Variants in ABHD12B observed in about 807,000 individuals in gnomAD.
The protein encoded by ABHD12B is abhydrolase domain containing 12B, also known as protein ABHD12B.
ABHD12B carries 42 observed loss-of-function variants against 50.4 expected under a neutral mutation model. That is an observed-to-expected ratio of 0.83 (90% confidence interval 0.65 to 1.08). The LOEUF is 1.08. Ranked by LOEUF, ABHD12B falls within the 50% of genes least tolerant of loss-of-function variation. The pLI, the probability that ABHD12B is intolerant of heterozygous loss-of-function variation, is 0.00. For missense variants in ABHD12B, 479 were observed against 447.7 expected, an observed-to-expected ratio of 1.07 and a Z score of -0.63; for synonymous variants, 167 against 160.3, an observed-to-expected ratio of 1.04 and a Z score of -0.32.
chr14:50,903,001 T>C (rs2050280562), intron 10 of ABHD12B, among the ~76,000 whole-genome samples: 3 of 152,220 alleles, frequency 2.0e-5, no homozygotes, highest in Non-Finnish European at 2.9e-5. Context: ...AGTTTTGTTT[T>C]CTTTTTTAGT....
intron 9 of ABHD12B, among the ~76,000 whole-genome samples, chr14:50,889,736 G>A (rs1015173674): frequency 2.0e-5 from 3 of 152,232 alleles, no homozygotes; most frequent in African/African-American, 4.8e-5. Flanking sequence ...ACGTGTAAAC[G>A]TTAGCAAATG....
rs140540525 is a variant in ABHD12B at position 50,881,027 on chromosome 14, C to A, written c.455+456C>A. Among the ~76,000 whole-genome samples, 216 of 152,264 alleles carry A rather than the reference C, an allele frequency of 1.4e-3. 1 individual carries two copies. Among genetic ancestry groups the A allele is most frequent in the Non-Finnish European group, 3.2e-4 (22 of 68,022 alleles). ...ATATGACTCCTTAAGAGAGGTCACACGGAATTCTGACCACAGGTACTGGGG... is the reference window on the plus strand; with the variant it reads ...ATATGACTCCTTAAGAGAGGTCACAAGGAATTCTGACCACAGGTACTGGGG... On this transcript the variant is annotated intron_variant, in intron 4 of 12. Transcript: ENST00000337334.
chr14:50,886,705 G>T lies in ABHD12B; in HGVS notation c.700+21G>T, dbSNP rs376790794. ...AAAAGGTAATATAAAATGCTTAAGT[G>T]GTATAATTTCCCATCTTCAGATGGG... is the stretch of plus-strand genomic sequence containing the variant. On this transcript the variant is annotated intron_variant, in intron 8 of 12. Transcript: ENST00000337334. The T allele has an allele frequency of 2.1e-5, 34 of 1,599,080 alleles. 1 individual carries two copies. The Middle Eastern group carries it at 5.5e-4, about 26-fold the overall frequency.
intron 8 of ABHD12B, among the ~76,000 whole-genome samples, chr14:50,886,947 G>C (rs969234532): frequency 6.6e-6 from 1 of 152,004 alleles, no homozygotes; most frequent in South Asian, 2.1e-4. Context: ...CCGATGTGGT[G>C]GCTCACGCCT....
chr14:50,880,421 T>A, intron 3 of ABHD12B, 31 bp from the exon 4 acceptor site: 1 of 1,563,010 alleles, frequency 6.4e-7, no homozygotes, highest in Non-Finnish European at 8.6e-7. Flanking sequence ...TTCCTCTTTC[T>A]ACATTTGTTT....
At chr14:50,888,702 C>G (rs1374766138) in intron 8 of ABHD12B, 122 bp from the exon 9 acceptor site, 5 of 774,674 alleles carry the variant, frequency 6.5e-6, no homozygotes, top group Admixed American at 2.5e-5. Context: ...TTATTAATAA[C>G]CTTCACAAAT....
intron 1 of ABHD12B, among the ~76,000 whole-genome samples, chr14:50,873,020 G>A (rs1370986941): frequency 6.6e-6 from 1 of 152,204 alleles, no homozygotes; most frequent in African/African-American, 2.4e-5. Context: ...GTTGGAGATC[G>A]TGGACCCAGG....
Position 50,903,474 on chromosome 14 carries a change from T to A in ABHD12B, c.942+7T>A, listed in dbSNP as rs768018044. The stretch of plus-strand genomic sequence containing the variant: ...TTTGGAGTATGGGAAAAAGGTAAAC[T>A]AAGGGCTCAATGCTGACTGAAATAT... On this transcript the variant is annotated splice_region_variant and intron_variant, in intron 11 of 12. Transcript: ENST00000337334. 2 of 1,608,778 alleles carry A rather than the reference T, an allele frequency of 1.2e-6. No homozygotes were observed. Among genetic ancestry groups the A allele is most frequent in the Admixed American group, 3.4e-5 (2 of 59,354 alleles).
chr14:50,883,939 A>T (rs1867964720), intron 5 of ABHD12B, among the ~76,000 whole-genome samples: 1 of 102,204 alleles, frequency 9.8e-6, no homozygotes, highest in South Asian at 4.3e-4. Context: ...TCCTTATAAA[A>T]GGCTTTTGTT....
At position 50,877,967 on chromosome 14, in the gene ABHD12B, C is replaced by T. The variant is rs968888839; in HGVS notation, c.120C>T (p.Ser40=). 2.8e-5 allele frequency: 43 copies of T among 1,533,010 alleles called. No individual in the cohort carries two copies. The highest frequency in any genetic ancestry group is 4.0e-5 in the Admixed American group (2 of 50,478). The allele number at this position is 1,533,010 out of a possible 1,614,324, so 95.0% of individuals were successfully genotyped here. A position where few individuals can be genotyped will look rare whatever the true frequency, so the allele number is the denominator to read the frequency against. The stretch of plus-strand genomic sequence containing the variant: ...TACCTTGCAGATATTTTCCACACTC[C>T]TGTTCAATGCTCGGAAGAAAAATTG... ...VDRNLRYFPH[S]CSMLGRKIAA... The change falls in exon 2 of 13, where the codon TCC becomes TCT. Residue 40 remains serine, a synonymous_variant. Transcript: ENST00000337334.
At chr14:50,893,928 C>T (rs866975630) in intron 9 of ABHD12B, among the ~76,000 whole-genome samples, 6 of 152,244 alleles carry the variant, frequency 3.9e-5, no homozygotes, top group African/African-American at 1.2e-4. Flanking sequence ...CCCAAAACTC[C>T]GGCGCTGGCC....
intron 8 of ABHD12B, among the ~76,000 whole-genome samples, chr14:50,888,004 T>C (rs1306201526): frequency 6.6e-6 from 1 of 152,178 alleles, no homozygotes; most frequent in East Asian, 1.9e-4. Flanking sequence ...TCTCTTTTGG[T>C]ATTGGTTCTG....
chr14:50,877,204 A>G (rs1335892547), intron 1 of ABHD12B, among the ~76,000 whole-genome samples: 3 of 152,196 alleles, frequency 2.0e-5, no homozygotes, highest in Non-Finnish European at 4.4e-5. Context: ...GTCTCCTAAC[A>G]CTGGCTCATT....
chr14:50,904,449 T>G lies in ABHD12B; in HGVS notation c.*83T>G, dbSNP rs757620612. On this transcript the variant is annotated 3_prime_UTR_variant, in exon 13 of 13. Transcript: ENST00000337334. The stretch of plus-strand genomic sequence containing the variant: ...ATATTGTTCTAATGTAAAATTGTAC[T>G]GGGCTGGTCGGATGAGCTGAGGCCA... The G allele has an allele frequency of 5.7e-6, 9 of 1,579,670 alleles. No individual in the cohort carries two copies. The highest frequency in any genetic ancestry group is 2.2e-5 in the East Asian group (1 of 44,702).
chr14:50,900,183 T>C (rs1164468033), intron 9 of ABHD12B, among the ~76,000 whole-genome samples: 3 of 151,994 alleles, frequency 2.0e-5, no homozygotes, highest in Non-Finnish European at 2.9e-5. Context: ...CAGTGAGCCA[T>C]GAGCATGCCA....
Position 50,885,612 on chromosome 14 carries a change from A to G in ABHD12B, c.487-2A>G, listed in dbSNP as rs1338338681. 1 of 1,614,142 alleles carries G rather than the reference A, an allele frequency of 6.2e-7. No individual in the cohort carries two copies. The highest frequency in any genetic ancestry group is 8.5e-7 in the Non-Finnish European group (1 of 1,180,014). ...AGTGATAACAGCTCCTTTGTTACCT[A>G]GGTGCTGAGTGATGGTGGCTTTCAT... On this transcript the variant is annotated splice_acceptor_variant, in intron 5 of 12. Coordinates refer to ENST00000337334, the MANE Select transcript of ABHD12B (RefSeq NM_001206673.2). LOFTEE classifies it high-confidence loss of function.
At chr14:50,873,249 G>T (rs186454755) in intron 1 of ABHD12B, among the ~76,000 whole-genome samples, 23 of 151,500 alleles carry the variant, frequency 1.5e-4, no homozygotes, top group Non-Finnish European at 2.9e-4. Context: ...TGAGACAAGG[G>T]TTTCACTCTG....
intron 1 of ABHD12B, among the ~76,000 whole-genome samples, chr14:50,875,192 G>A (rs1267508050): frequency 6.6e-6 from 1 of 152,204 alleles, no homozygotes; most frequent in Non-Finnish European, 1.5e-5. Flanking sequence ...AAAGACAAGA[G>A]AGGAGAGGTC....
chr14:50,888,799 C>G, intron 8 of ABHD12B, 25 bp from the exon 9 acceptor site: 1 of 1,594,188 alleles, frequency 6.3e-7, no homozygotes, highest in South Asian at 1.1e-5. Flanking sequence ...TTACTGATTT[C>G]TTTCTTTCTT....
Sources: allele counts gnomAD v4.1 joint callset (sites outside exome capture counted in the v4.1 genomes callset), GRCh38; gene constraint gnomAD v4.1.1; transcripts MANE v1.5; gene names NCBI Gene and HGNC (gene_info 2026-07-23, HGNC 2026-07-21).